TNRC18: variants seen among roughly 807,000 people sequenced by gnomAD.
The protein encoded by TNRC18 is trinucleotide repeat containing 18.
Under a neutral mutation model 226.7 loss-of-function variants are expected in TNRC18, and 69 were observed. The observed-to-expected ratio is 0.30, with a 90% confidence interval of 0.25 to 0.37. The LOEUF (loss-of-function observed/expected upper bound fraction) is 0.37, where lower values mean the gene tolerates loss of function less well. Ranked by LOEUF, TNRC18 falls within the 10% of genes least tolerant of loss-of-function variation. The pLI is 1.00. For synonymous variants in TNRC18, 2,449 were observed against 1,927.6 expected (o/e 1.27, Z -7.09); for missense variants, 4,754 against 4,256.6 (o/e 1.12, Z -3.25).
At chr7:5,329,682 CAAAAA>C (rs10628315) in intron 19 of TNRC18, among the ~76,000 whole-genome samples, 6 of 45,754 alleles carry the variant, frequency 1.3e-4, no homozygotes, top group Admixed American at 8.2e-4. Context: ...GACTCCGTCT[CAAAAA>C]AAAAAAAAAA....
In TNRC18 at chr7:5,422,082, G is replaced by A. The variant is rs569397116; in HGVS notation, c.-243-593C>T. On this transcript the variant is annotated intron_variant, in intron 1 of 29. Transcript: ENST00000430969. Reference sequence around the variant, plus strand: ...CCAAAGCGGGTTTATTATTTTTAAAGAGGCTCGTGGTCCCCCCCCTTTCTC... The same window carrying A: ...CCAAAGCGGGTTTATTATTTTTAAAAAGGCTCGTGGTCCCCCCCCTTTCTC... Among the ~76,000 whole-genome samples, 4 of 152,282 alleles carry A rather than the reference G, an allele frequency of 2.6e-5. No homozygotes were observed. The East Asian group carries it at 5.8e-4, about 22-fold the overall frequency.
intron 5 of TNRC18, among the ~76,000 whole-genome samples, chr7:5,384,754 C>T (rs549009237): frequency 6.6e-6 from 1 of 152,326 alleles, no homozygotes; most frequent in Admixed American, 6.5e-5. Context: ...ACCTCCAATC[C>T]AAGCGCTGTT....
At chr7:5,323,393 AC>A (rs1205965835) in intron 21 of TNRC18, among the ~76,000 whole-genome samples, 1 of 99,560 alleles carries the variant, frequency 1.0e-5, no homozygotes, top group African/African-American at 4.0e-5. Context: ...TGCACCCCCG[AC>A]CCCACCTCCC....
chr7:5,320,464 G>A (rs560013192), intron 23 of TNRC18, 38 bp from the exon 24 acceptor site: 1 of 1,565,294 alleles, frequency 6.4e-7, no homozygotes, highest in Admixed American at 1.9e-5. Flanking sequence ...TGTGGACACA[G>A]TTATGGCCAT....
chr7:5,311,566 C>T (rs1220935294), intron 27 of TNRC18, among the ~76,000 whole-genome samples: 1 of 152,214 alleles, frequency 6.6e-6, no homozygotes, highest in East Asian at 1.9e-4. Context: ...GGAATTCCAG[C>T]ACTCTGGGAG....
Position 5,389,310 on chromosome 7 carries a change from C to T in TNRC18, c.514G>A (p.Ala172Thr), listed in dbSNP as rs938948883. ...GDGFYLPTAGAPGSLHSHAPS... is the reference protein window; with the variant it reads ...GDGFYLPTAGTPGSLHSHAPS... ...GCGTGAGAGTGCAGGGAGCCCGGAG[C>T]CCCCGCGGTGGGCAGGTAGAAACCG... is the stretch of plus-strand genomic sequence containing the variant. The change falls in exon 5 of 30, where the codon GCT (alanine) becomes ACT (threonine). Residue 172 changes from alanine (A) to threonine (T), a missense_variant. Ala to Thr is a moderately conservative substitution (Grantham distance 58). Transcript: ENST00000430969. 1.6e-6 allele frequency: 2 copies of T among 1,278,674 alleles called. No individual in the cohort carries two copies. Among genetic ancestry groups the T allele is most frequent in the Non-Finnish European group, 2.0e-6 (2 of 1,012,964 alleles). The allele number at this position is 1,278,674 out of a possible 1,614,324, so 79.2% of individuals were successfully genotyped here.
intron 18 of TNRC18, among the ~76,000 whole-genome samples, chr7:5,336,487 T>C (rs1790129920): frequency 6.6e-6 from 1 of 151,988 alleles, no homozygotes. Flanking sequence ...CTCACACCTA[T>C]AATCCCGGAA....
chr7:5,343,004 G>A (rs1194938686), intron 18 of TNRC18, among the ~76,000 whole-genome samples: 13 of 152,146 alleles, frequency 8.5e-5, no homozygotes, highest in Non-Finnish European at 1.0e-4. Context: ...TCAGATGATC[G>A]TTAGCGTTTT....
chr7:5,376,702 A>G (rs1362898197), intron 8 of TNRC18, 145 bp downstream of exon 8: 36 of 953,142 alleles, frequency 3.8e-5, no homozygotes, highest in Middle Eastern at 2.6e-4. Context: ...CACTGGCAAC[A>G]GATGTTCTCT....
At chr7:5,342,319 C>A (rs1247170558) in intron 18 of TNRC18, among the ~76,000 whole-genome samples, 1 of 151,850 alleles carries the variant, frequency 6.6e-6, no homozygotes, top group Non-Finnish European at 1.5e-5. Context: ...ATTCCAGCTA[C>A]TCGGGAGGCT....
intron 17 of TNRC18, among the ~76,000 whole-genome samples, chr7:5,351,158 G>A (rs370509586): frequency 7.2e-5 from 11 of 152,068 alleles, no homozygotes; most frequent in South Asian, 4.2e-4. Flanking sequence ...AGCGGCAGGC[G>A]GCACGGTCCC....
intron 2 of TNRC18, among the ~76,000 whole-genome samples, chr7:5,410,818 G>A (rs1049759389): frequency 2.3e-5 from 3 of 129,894 alleles, no homozygotes; most frequent in African/African-American, 3.1e-5. Flanking sequence ...CTGAGATCTC[G>A]CCACTGCAAT....
At chr7:5,333,262 C>T (rs371956520) in intron 18 of TNRC18, among the ~76,000 whole-genome samples, 2 of 152,202 alleles carry the variant, frequency 1.3e-5, no homozygotes, top group Admixed American at 6.5e-5. Context: ...CTCGGCTGCC[C>T]GGACGCTGCT....
intron 11 of TNRC18, among the ~76,000 whole-genome samples, chr7:5,366,314 A>ATTT (rs1793614368): frequency 1.2e-5 from 1 of 80,706 alleles, no homozygotes; most frequent in African/African-American, 5.9e-5. Flanking sequence ...TGCTCTTCTT[A>ATTT]TATCTTTTTT....
At chr7:5,338,806 G>A (rs1010520126) in intron 18 of TNRC18, among the ~76,000 whole-genome samples, 1 of 150,858 alleles carries the variant, frequency 6.6e-6, no homozygotes, top group Middle Eastern at 3.2e-3. Flanking sequence ...TGCAATCCCA[G>A]CTACTTGGGA....
intron 11 of TNRC18, among the ~76,000 whole-genome samples, chr7:5,363,825 C>A (rs1793334091): frequency 6.7e-6 from 1 of 148,888 alleles, no homozygotes; most frequent in African/African-American, 2.5e-5. Flanking sequence ...GAAAAAAGCC[C>A]AGGATGAAAA....
chr7:5,352,385 C>G (rs1329332888), intron 16 of TNRC18, among the ~76,000 whole-genome samples: 1 of 152,148 alleles, frequency 6.6e-6, no homozygotes, highest in Non-Finnish European at 1.5e-5. Context: ...TCACTCCAGG[C>G]TTTCCGGGCA....
In TNRC18 at chr7:5,324,351, C is replaced by T. The variant is rs1134563; in HGVS notation, c.6305G>A (p.Arg2102His). 65 of 1,613,224 alleles carry T rather than the reference C, an allele frequency of 4.0e-5. No individual in the cohort carries two copies. The highest frequency in any genetic ancestry group is 6.6e-5 in the South Asian group (6 of 91,070). ...CTTGCTCACGGCACCCCCCTTGCCG[C>T]GGTTCTGGGGACAGAACATGGCCGA... The part of the protein sequence containing the change: ...AKGKEVKKEN[R>H]GKGGAVSKLM... The change falls in exon 21 of 30, where the codon CGC (arginine) becomes CAC (histidine). Residue 2102 changes from arginine (R) to histidine (H), a missense_variant. Transcript: ENST00000430969. The surrounding 1 kb of genome is among the most constrained non-coding windows in gnomAD (Gnocchi z 4.8).
At chr7:5,368,894 C>G (rs1000024928) in intron 11 of TNRC18, among the ~76,000 whole-genome samples, 7 of 152,132 alleles carry the variant, frequency 4.6e-5, no homozygotes, top group South Asian at 2.1e-4. Flanking sequence ...CATTCTGTGT[C>G]TGGCCCAGCA....
Sources: gnomAD v4.1 joint callset for allele counts (sites outside exome capture counted in the v4.1 genomes callset) on GRCh38, gnomAD v4.1.1 for gene constraint, Gnocchi (gnomAD v3.1) non-coding constraint, MANE v1.5 for transcripts, NCBI Gene and HGNC (gene_info 2026-07-23, HGNC 2026-07-21) for gene names.